FHIT: variants seen among roughly 807,000 people sequenced by gnomAD.
The protein encoded by FHIT is bis(5'-adenosyl)-triphosphatase.
In FHIT, 19 loss-of-function variants were observed where a neutral mutation model predicts 17.9. The ratio of observed to expected loss-of-function variants is 1.06; its 90% CI spans 0.74 to 1.56. FHIT has a LOEUF of 1.56. FHIT is among the 40% of genes most tolerant of loss of function. The pLI is 0.00. For missense variants in FHIT, 248 were observed against 189.2 expected (o/e 1.31, Z -1.82); for synonymous variants, 81 against 69.7 (o/e 1.16, Z -0.81).
chr3:61,198,869 G>C lies in FHIT; in HGVS notation c.-164+1748C>G, dbSNP rs940058735. Reference sequence around the variant, plus strand: ...AATGTATAATGAATAAATTCATAAAGATGCTGTTGCTGCTGCTGCCGCCGC... The same window carrying C: ...AATGTATAATGAATAAATTCATAAACATGCTGTTGCTGCTGCTGCCGCCGC... On this transcript the variant is annotated intron_variant, in intron 2 of 9. Coordinates refer to ENST00000492590, the MANE Select transcript of FHIT (RefSeq NM_002012.4). Among the ~76,000 whole-genome samples the C allele has an allele frequency of 6.1e-5, 9 of 147,682 alleles. No homozygotes were observed. The East Asian group carries it at 1.9e-3, about 30-fold the overall frequency.
intron 3 of FHIT, among the ~76,000 whole-genome samples, chr3:60,927,330 G>C (rs1162857984): frequency 6.6e-6 from 1 of 152,196 alleles, no homozygotes; most frequent in Non-Finnish European, 1.5e-5. Flanking sequence ...GAGTGCAGTG[G>C]CGTGAACCTC....
intron 8 of FHIT, among the ~76,000 whole-genome samples, chr3:59,814,045 T>TACACACACACACACACACACACACAC (rs144355020): frequency 4.1e-5 from 6 of 146,770 alleles, no homozygotes; most frequent in African/African-American, 1.5e-4. Context: ...AATTTACACA[T>TACACACACACACACACACACACACAC]ACACACACAC....
intron 8 of FHIT, among the ~76,000 whole-genome samples, chr3:59,787,418 C>A (rs1360483144): frequency 6.7e-6 from 1 of 150,004 alleles, no homozygotes; most frequent in Non-Finnish European, 1.5e-5. Flanking sequence ...AAGTCACGTC[C>A]TCATGAAGAG....
intron 3 of FHIT, among the ~76,000 whole-genome samples, chr3:60,990,213 T>C (rs1280323048): frequency 6.6e-6 from 1 of 152,162 alleles, no homozygotes; most frequent in African/African-American, 2.4e-5. Context: ...GGACCAAAGA[T>C]ATTTAAATTA....
At chr3:61,036,336 CCCTA>C (rs1351367667) in intron 3 of FHIT, among the ~76,000 whole-genome samples, 2 of 152,014 alleles carry the variant, frequency 1.3e-5, no homozygotes, top group Admixed American at 1.3e-4. Context: ...TCTAATCACC[CCCTA>C]CCAGGCCCCA....
intron 5 of FHIT, among the ~76,000 whole-genome samples, chr3:60,217,705 T>C (rs1291416080): frequency 6.6e-6 from 1 of 152,164 alleles, no homozygotes; most frequent in Non-Finnish European, 1.5e-5. Context: ...CAAACCACAC[T>C]GGCCTTCCCT....
At chr3:61,210,090 G>T (rs990170019) in intron 1 of FHIT, among the ~76,000 whole-genome samples, 2 of 152,356 alleles carry the variant, frequency 1.3e-5, no homozygotes, top group Admixed American at 1.3e-4. Context: ...CAGACTCTGT[G>T]TGCCTGGGTA....
intron 4 of FHIT, among the ~76,000 whole-genome samples, chr3:60,789,171 T>TAGAGAGAG (rs1387164031): frequency 1.5e-5 from 2 of 130,094 alleles, no homozygotes; most frequent in African/African-American, 6.2e-5. Flanking sequence ...TATATATATA[T>TAGAGAGAG]ATATAGAGAG....
chr3:61,183,432 T>G (rs1158134519), intron 2 of FHIT, among the ~76,000 whole-genome samples: 1 of 152,076 alleles, frequency 6.6e-6, no homozygotes, highest in Non-Finnish European at 1.5e-5. Context: ...ACAGCACAAA[T>G]TCATTAGCAT....
Position 60,011,395 on chromosome 3 carries a change from G to A in FHIT, c.255C>T (p.Gly85=). The change falls in exon 7 of 10, where the codon GGC becomes GGT. Residue 85 remains glycine, a synonymous_variant. Coordinates refer to ENST00000492590, the MANE Select transcript of FHIT (RefSeq NM_002012.4). ...CCTTCACAGTCTGTCCGGCTTCGGG[G>A]CCATCCTAGAAGTAGGAAAAAACCA... ...GTSLTFSMQD[G]PEAGQTVKHV... 1 of 1,613,452 alleles carries A rather than the reference G, an allele frequency of 6.2e-7. No individual in the cohort carries two copies. Among genetic ancestry groups the A allele is most frequent in the South Asian group, 1.1e-5 (1 of 91,062 alleles).
chr3:60,209,645 C>T (rs902824759), intron 5 of FHIT, among the ~76,000 whole-genome samples: 1 of 152,114 alleles, frequency 6.6e-6, no homozygotes, highest in African/African-American at 2.4e-5. Context: ...GAGTGAAAAA[C>T]CATTCAATAG....
chr3:59,870,466 T>C (rs1438930432), intron 8 of FHIT, among the ~76,000 whole-genome samples: 1 of 152,132 alleles, frequency 6.6e-6, no homozygotes, highest in Non-Finnish European at 1.5e-5. Context: ...AAAATCATAG[T>C]AAAGAAAACA....
intron 5 of FHIT, among the ~76,000 whole-genome samples, chr3:60,340,646 G>A (rs1484041884): frequency 6.6e-6 from 1 of 152,182 alleles, no homozygotes; most frequent in Non-Finnish European, 1.5e-5. Flanking sequence ...TAATTATTGA[G>A]AATATACAGT....
intron 5 of FHIT, among the ~76,000 whole-genome samples, chr3:60,160,825 TGACA>T (rs901172600): frequency 3.0e-4 from 37 of 124,942 alleles, no homozygotes; most frequent in African/African-American, 9.5e-4. Flanking sequence ...TGTGTGAGTG[TGACA>T]GAGAGAGAGA....
At position 60,306,949 on chromosome 3, in the gene FHIT, A is replaced by G. The variant is rs1708698860; in HGVS notation, c.103+229911T>C. On this transcript the variant is annotated intron_variant, in intron 5 of 9. Transcript: ENST00000492590. ...CACAGTAATAAGACCTCTATGCTGC[A>G]CTTCTTTTATAATTAGGCAAAAATC... Among the ~76,000 whole-genome samples the G allele has an allele frequency of 1.3e-5, 2 of 152,244 alleles. 1 individual carries two copies. Among genetic ancestry groups the G allele is most frequent in the South Asian group, 4.1e-4 (2 of 4,824 alleles).
At chr3:60,842,603 ATATATATATACATATATATATGAGTG>A (rs1487714533) in intron 3 of FHIT, among the ~76,000 whole-genome samples, 3 of 124,840 alleles carry the variant, frequency 2.4e-5, no homozygotes, top group African/African-American at 9.6e-5. Flanking sequence ...AAATGAGTGT[ATATATATATACATATATATATGAGTG>A]TATATATATA....
intron 5 of FHIT, among the ~76,000 whole-genome samples, chr3:60,088,704 T>C (rs1432092383): frequency 6.6e-6 from 1 of 152,196 alleles, no homozygotes; most frequent in Non-Finnish European, 1.5e-5. Context: ...TCCTTCTTAT[T>C]TACTTTCTAA....
intron 5 of FHIT, among the ~76,000 whole-genome samples, chr3:60,068,306 A>G (rs1702610288): frequency 6.6e-6 from 1 of 152,202 alleles, no homozygotes; most frequent in Non-Finnish European, 1.5e-5. Context: ...CAAGCTGAAA[A>G]TGTTTGCTTT....
chr3:60,800,067 C>G (rs1266879832), intron 4 of FHIT, among the ~76,000 whole-genome samples: 2 of 142,414 alleles, frequency 1.4e-5, no homozygotes, highest in Non-Finnish European at 3.1e-5. Context: ...AGCCTTTATT[C>G]CCAGAGTGAT....
Sources: allele counts gnomAD v4.1 joint callset (sites outside exome capture counted in the v4.1 genomes callset), GRCh38; gene constraint gnomAD v4.1.1; transcripts MANE v1.5; gene names NCBI Gene and HGNC (gene_info 2026-07-23, HGNC 2026-07-21).